PDE4D: variants seen among roughly 807,000 people sequenced by gnomAD.
The protein encoded by PDE4D is 3',5'-cyclic-AMP phosphodiesterase 4D.
A neutral mutation model predicts 87.4 loss-of-function variants in PDE4D; 24 were observed. The ratio of observed to expected loss-of-function variants is 0.27; its 90% CI spans 0.20 to 0.39. The LOEUF is 0.39. Ranked by LOEUF, PDE4D falls within the 10% of genes least tolerant of loss-of-function variation. The pLI, the probability that PDE4D is intolerant of heterozygous loss-of-function variation, is 1.00. For missense variants in PDE4D, 714 were observed against 1,041.0 expected (o/e 0.69, Z 4.32); for synonymous variants, 384 against 383.2 (o/e 1.00, Z -0.02).
At chr5:59,356,850 T>C (rs746509286) in intron 1 of PDE4D, 1 of 1,543,014 alleles carries the variant, frequency 6.5e-7, no homozygotes, top group African/African-American at 1.4e-5. Context: ...AAGCCATTTT[T>C]AAGGACGATG....
intron 1 of PDE4D, among the ~76,000 whole-genome samples, chr5:59,360,654 G>A (rs1782057465): frequency 6.6e-6 from 1 of 152,144 alleles, no homozygotes; most frequent in Non-Finnish European, 1.5e-5. Flanking sequence ...AAATGGAAGT[G>A]TTGCAAAATA....
intron 6 of PDE4D, among the ~76,000 whole-genome samples, chr5:59,002,609 G>T (rs1750764563): frequency 1.3e-5 from 2 of 152,064 alleles, no homozygotes; most frequent in Non-Finnish European, 2.9e-5. Context: ...CACATGCCTG[G>T]CCAGTCTTCA....
At chr5:60,320,102 G>GGA (rs1756086090) in intron 1 of PDE4D, among the ~76,000 whole-genome samples, 1 of 152,234 alleles carries the variant, frequency 6.6e-6, no homozygotes, top group Non-Finnish European at 1.5e-5. Flanking sequence ...GAGGCAGGCA[G>GGA]GCCTCCTTGA....
At chr5:59,290,900 A>T (rs1767877436) in intron 1 of PDE4D, among the ~76,000 whole-genome samples, 1 of 152,036 alleles carries the variant, frequency 6.6e-6, no homozygotes, top group South Asian at 2.1e-4. Context: ...ACTCCAGCTA[A>T]AATGGCTTTT....
In PDE4D at chr5:59,131,645, C is replaced by CACACACACACACAT. The variant is rs60337924; in HGVS notation, c.808+48949_808+48950insATGTGTGTGTGTGT. 1.3e-3 allele frequency among the ~76,000 whole-genome samples: 190 copies of CACACACACACACAT among 146,426 alleles called. 6 individuals carry two copies. The highest frequency in any genetic ancestry group is 3.4e-3 in the African/African-American group (131 of 38,216). ...ACACACACACACACACACACACACA[C>CACACACACACACAT]ATTAATGAGAGATTTCTAAGCCCCC... On this transcript the variant is annotated intron_variant, in intron 5 of 14. Transcript: ENST00000340635.
chr5:59,969,400 A>G (rs543859303), intron 3 of PDE4D, among the ~76,000 whole-genome samples: 8 of 152,348 alleles, frequency 5.3e-5, no homozygotes, highest in Admixed American at 3.3e-4. Flanking sequence ...AGCTGTGAAT[A>G]TAATTGAATA....
At chr5:60,059,958 C>T (rs1013049164) in intron 2 of PDE4D, among the ~76,000 whole-genome samples, 1 of 151,970 alleles carries the variant, frequency 6.6e-6, no homozygotes, top group Non-Finnish European at 1.5e-5. Context: ...GCCCAATCAG[C>T]TTTTCATTCC....
chr5:60,290,101 G>A (rs575612248), intron 1 of PDE4D, among the ~76,000 whole-genome samples: 1 of 152,306 alleles, frequency 6.6e-6, no homozygotes, highest in East Asian at 1.9e-4. Context: ...TCCACTAGTG[G>A]CTTGAGTAAA....
chr5:59,113,624 T>A (rs1412612625), intron 5 of PDE4D, among the ~76,000 whole-genome samples: 1 of 152,190 alleles, frequency 6.6e-6, no homozygotes, highest in East Asian at 1.9e-4. Context: ...TAAAGCGAAG[T>A]GGTACACTCT....
At chr5:60,061,951 A>T (rs1462049507) in intron 2 of PDE4D, among the ~76,000 whole-genome samples, 1 of 152,162 alleles carries the variant, frequency 6.6e-6, no homozygotes, top group Non-Finnish European at 1.5e-5. Context: ...AAAACCCAAA[A>T]CCATAAAAAC....
intron 1 of PDE4D, among the ~76,000 whole-genome samples, chr5:60,249,386 T>C (rs535523821): frequency 1.3e-5 from 2 of 152,164 alleles, no homozygotes; most frequent in East Asian, 3.9e-4. Context: ...TTCTGACTCT[T>C]AGTGAAATGG....
chr5:60,430,545 G>GTTTTTTTTTTTT (rs1303120305), intron 1 of PDE4D, among the ~76,000 whole-genome samples: 1 of 116,348 alleles, frequency 8.6e-6, no homozygotes, highest in African/African-American at 4.0e-5. Context: ...GTTTTTTTTT[G>GTTTTTTTTTTTT]TTTGTTTTTT....
At chr5:60,081,971 T>C (rs1774014873) in intron 2 of PDE4D, among the ~76,000 whole-genome samples, 1 of 152,192 alleles carries the variant, frequency 6.6e-6, no homozygotes, top group Admixed American at 6.5e-5. Flanking sequence ...TTTACATCTT[T>C]TTCTTCCTTC....
intron 1 of PDE4D, among the ~76,000 whole-genome samples, chr5:60,409,377 G>T (rs1403526938): frequency 2.0e-5 from 3 of 152,092 alleles, no homozygotes; most frequent in African/African-American, 7.2e-5. Context: ...TGGGGAGGGG[G>T]CAGAGGGGGT....
intron 6 of PDE4D, among the ~76,000 whole-genome samples, chr5:59,017,533 C>G (rs1483774477): frequency 6.6e-6 from 1 of 152,130 alleles, no homozygotes; most frequent in Non-Finnish European, 1.5e-5. Context: ...GACATTTTAC[C>G]TCCTGTCCCC....
chr5:59,484,930 T>G (rs1189145030), intron 1 of PDE4D, among the ~76,000 whole-genome samples: 3 of 152,194 alleles, frequency 2.0e-5, no homozygotes, highest in Non-Finnish European at 2.9e-5. Context: ...ATATCCACCA[T>G]GATGCATGAG....
chr5:59,774,949 C>T (rs1263076079), intron 1 of PDE4D, among the ~76,000 whole-genome samples: 2 of 152,130 alleles, frequency 1.3e-5, no homozygotes, highest in Non-Finnish European at 2.9e-5. Context: ...CCCACCTCGG[C>T]CTACCAAAGT....
At chr5:59,171,617 T>C (rs1051487759) in intron 5 of PDE4D, among the ~76,000 whole-genome samples, 58 of 151,760 alleles carry the variant, frequency 3.8e-4, no homozygotes, top group Non-Finnish European at 5.3e-4. Flanking sequence ...TCCCCTGATA[T>C]GGACAGGCAT....
At chr5:60,190,708 G>A (rs1276912089) in intron 1 of PDE4D, among the ~76,000 whole-genome samples, 1 of 152,156 alleles carries the variant, frequency 6.6e-6, no homozygotes, top group Non-Finnish European at 1.5e-5. Context: ...ATTGCCCTGT[G>A]CATGCATTTT....
Sources: allele counts gnomAD v4.1 joint callset (sites outside exome capture counted in the v4.1 genomes callset), GRCh38; gene constraint gnomAD v4.1.1; transcripts MANE v1.5; gene names NCBI Gene and HGNC (gene_info 2026-07-23, HGNC 2026-07-21).